The following RNF175 variants were observed in gnomAD, a reference collection of about 807,000 sequenced individuals.
RNF175 encodes the protein ring finger protein 175.
A neutral mutation model predicts 50.0 loss-of-function variants in RNF175; 38 were observed. The observed-to-expected ratio is 0.76, with a 90% CI of 0.59 to 1.00. The LOEUF (loss-of-function observed/expected upper bound fraction) is 1.00. Among genes scored for constraint, RNF175 ranks in the 50% least tolerant of loss-of-function variants. The pLI is 0.00. For missense variants in RNF175, 388 were observed against 409.6 expected, an observed-to-expected ratio of 0.95 and a Z score of 0.46; for synonymous variants, 155 against 146.1, an observed-to-expected ratio of 1.06 and a Z score of -0.44.
chr4:153,710,213 CTCTTTAAAT>C lies in RNF175; in HGVS notation c.*147_*155del. 1.8e-6 allele frequency: 1 copy of C among 554,700 alleles called. No individual in the cohort carries two copies. Among genetic ancestry groups the C allele is most frequent in the Middle Eastern group, 4.1e-4 (1 of 2,410 alleles). 34.4% of individuals were successfully genotyped at this position (554,700 alleles called of 1,614,324 possible). ...ATTTGTTTATTCCATTGTTCAGCTTCTCTTTAAATTCTTTCCACATGGACAAATTGCTTG... is the reference window on the plus strand; with the variant it reads ...ATTTGTTTATTCCATTGTTCAGCTTCTCTTTCCACATGGACAAATTGCTTG... On this transcript the variant is annotated 3_prime_UTR_variant, in exon 9 of 9. Transcript: ENST00000347063.
In RNF175 at chr4:153,748,714, GAAGATC is replaced by G. The variant is rs1412862774; in HGVS notation, c.171_176del (p.Leu57_Ile58del). 1 of 1,610,056 alleles carries G rather than the reference GAAGATC, an allele frequency of 6.2e-7. No individual in the cohort carries two copies. The highest frequency in any genetic ancestry group is 1.3e-5 in the African/African-American group (1 of 74,964). ...TCTGGGCAATGACCAGAACGCAGAGGAAGATCAAGATCATTTCCACGTGCATGGAAT... is the reference window on the plus strand; with the variant it reads ...TCTGGGCAATGACCAGAACGCAGAGGAAGATCATTTCCACGTGCATGGAAT... On this transcript the variant is annotated inframe_deletion, in exon 3 of 9. Coordinates refer to ENST00000347063, the MANE Select transcript of RNF175 (RefSeq NM_173662.4).
At chr4:153,758,406 A>G (rs1030322408) in intron 1 of RNF175, among the ~76,000 whole-genome samples, 2 of 152,140 alleles carry the variant, frequency 1.3e-5, no homozygotes, top group Non-Finnish European at 2.9e-5. Flanking sequence ...ATTAAGGGAA[A>G]AGCTGTGAGT....
At chr4:153,714,226 C>T (rs191407708) in intron 7 of RNF175, 4 of 152,238 alleles carry the variant, frequency 2.6e-5, no homozygotes, top group African/African-American at 7.2e-5. Context: ...ATATTTAAAA[C>T]TAGGGCCAGA....
chr4:153,754,181 A>AAAG (rs1740449878), intron 1 of RNF175, among the ~76,000 whole-genome samples: 1 of 149,500 alleles, frequency 6.7e-6, no homozygotes, highest in African/African-American at 2.5e-5. Flanking sequence ...AAAAAAAAAA[A>AAAG]AAAATTATGA....
intron 3 of RNF175, chr4:153,729,544 G>T (rs565422888): frequency 2.8e-4 from 90 of 317,260 alleles, no homozygotes; most frequent in African/African-American, 2.0e-3. Flanking sequence ...CCTTTAAACA[G>T]GTCTTGGTGA....
chr4:153,755,249 G>A (rs1035221244), intron 1 of RNF175, among the ~76,000 whole-genome samples: 1 of 152,262 alleles, frequency 6.6e-6, no homozygotes, highest in Non-Finnish European at 1.5e-5. Context: ...TTTAAGCCAA[G>A]AGAAAAGACC....
chr4:153,733,890 C>T (rs1198647732), intron 3 of RNF175, among the ~76,000 whole-genome samples: 1 of 152,124 alleles, frequency 6.6e-6, no homozygotes, highest in Non-Finnish European at 1.5e-5. Context: ...CCCCTCAAAC[C>T]ACTGATTGTT....
intron 2 of RNF175, among the ~76,000 whole-genome samples, chr4:153,750,662 A>AAACAAACG (rs1241058160): frequency 6.6e-6 from 1 of 150,908 alleles, no homozygotes. Context: ...TCATTTAAAC[A>AAACAAACG]AACAAGCAAA....
chr4:153,726,528 A>G (rs1738711014), intron 4 of RNF175, among the ~76,000 whole-genome samples: 1 of 152,216 alleles, frequency 6.6e-6, no homozygotes, highest in African/African-American at 2.4e-5. Flanking sequence ...TCAAAGAGAA[A>G]TAGTAGGCTT....
intron 1 of RNF175, among the ~76,000 whole-genome samples, chr4:153,753,544 C>G (rs772130089): frequency 1.6e-5 from 1 of 62,718 alleles, no homozygotes; most frequent in African/African-American, 3.5e-5. Flanking sequence ...TTTATCTTTT[C>G]TCTCTCTCTC....
rs1436855337 is a variant in RNF175, at chr4:153,744,823, AAG to A, written c.246+3820_246+3821del. Among the ~76,000 whole-genome samples, 9 of 152,320 alleles carry A rather than the reference AAG, an allele frequency of 5.9e-5. No individual in the cohort carries two copies. In the East Asian group the frequency reaches 1.7e-3, roughly 29 times the overall value. On this transcript the variant is annotated intron_variant, in intron 3 of 8. Transcript: ENST00000347063. ...AAAGACATTATCCAAGTGCAATATA[AAG>A]AGTGTTTATTATAATTGATAAGACA... is the stretch of plus-strand genomic sequence containing the variant.
chr4:153,722,984 GT>G (rs1194757812), intron 5 of RNF175, among the ~76,000 whole-genome samples: 6 of 152,068 alleles, frequency 3.9e-5, no homozygotes, highest in Non-Finnish European at 5.9e-5. Flanking sequence ...AATTCTAGAG[GT>G]TTTAGATAAG....
At position 153,723,371 on chromosome 4, in the gene RNF175, A is replaced by G. The variant is rs771614338; in HGVS notation, c.489T>C (p.Cys163=). Residue 163 remains cysteine (C), a synonymous_variant, in exon 5 of 9, where the codon TGT becomes TGC. Coordinates refer to ENST00000347063, the MANE Select transcript of RNF175 (RefSeq NM_173662.4). The stretch of plus-strand genomic sequence containing the variant: ...CTTACTTGAAAAACAGATTGAATCC[A>G]CACATTGTAAACATGATCGCCAAGT... The part of the protein sequence containing the change: ...VGYLAIMFTM[C]GFNLFFKIKA... 6.3e-7 allele frequency: 1 copy of G among 1,575,298 alleles called. No individual in the cohort carries two copies. Among genetic ancestry groups the G allele is most frequent in the East Asian group, 2.2e-5 (1 of 44,702 alleles).
chr4:153,720,068 A>G (rs1456609692), intron 6 of RNF175, 116 bp downstream of exon 6: 7 of 1,047,564 alleles, frequency 6.7e-6, no homozygotes, highest in Non-Finnish European at 8.1e-6. Flanking sequence ...CAAAGGAAAC[A>G]ATAATCAGTA....
chr4:153,747,651 C>A (rs767944685), intron 3 of RNF175, among the ~76,000 whole-genome samples: 26 of 152,202 alleles, frequency 1.7e-4, no homozygotes, highest in Non-Finnish European at 2.9e-4. Flanking sequence ...TTCTTTTCTT[C>A]TTCTGAGCCC....
At chr4:153,750,892 T>C (rs566831640) in intron 2 of RNF175, among the ~76,000 whole-genome samples, 2 of 152,224 alleles carry the variant, frequency 1.3e-5, no homozygotes, top group Non-Finnish European at 2.9e-5. Context: ...GAGATTAATC[T>C]ATTAATCTGT....
At chr4:153,727,919 A>T (rs969707451) in intron 4 of RNF175, among the ~76,000 whole-genome samples, 8 of 152,244 alleles carry the variant, frequency 5.3e-5, no homozygotes, top group Admixed American at 4.6e-4. Flanking sequence ...TAAACTTGCA[A>T]ATAATGCTCT....
At chr4:153,736,832 A>G (rs1319682615) in intron 3 of RNF175, among the ~76,000 whole-genome samples, 1 of 151,970 alleles carries the variant, frequency 6.6e-6, no homozygotes, top group Non-Finnish European at 1.5e-5. Context: ...TTTTATGTCC[A>G]TGGGATTAGT....
chr4:153,721,277 T>C (rs1486002760), intron 5 of RNF175: 3 of 152,164 alleles, frequency 2.0e-5, no homozygotes, highest in African/African-American at 7.2e-5. Context: ...ATCTCAAATA[T>C]CAGTGGTGAC....
Sources: gnomAD v4.1 joint callset for allele counts (sites outside exome capture counted in the v4.1 genomes callset) on GRCh38, gnomAD v4.1.1 for gene constraint, MANE v1.5 for transcripts, NCBI Gene and HGNC (gene_info 2026-07-23, HGNC 2026-07-21) for gene names.